The following NR2C1 variants were observed in gnomAD, a reference collection of about 807,000 sequenced individuals.
NR2C1 encodes the protein TR2 nuclear hormone receptor.
A neutral mutation model predicts 74.8 loss-of-function variants in NR2C1; 33 were observed. The ratio of observed to expected loss-of-function variants is 0.44; its 90% CI spans 0.33 to 0.59. The LOEUF (loss-of-function observed/expected upper bound fraction) is 0.59, where lower values mean the gene tolerates loss of function less well. Among genes scored for constraint, NR2C1 ranks in the 20% least tolerant of loss-of-function variants. NR2C1 has a pLI of 0.02. For synonymous variants in NR2C1, 225 were observed against 240.6 expected (o/e 0.94, Z 0.60); for missense variants, 568 against 715.6 (o/e 0.79, Z 2.35).
chr12:95,037,541 G>A (rs1216206769), intron 10 of NR2C1, among the ~76,000 whole-genome samples: 1 of 152,120 alleles, frequency 6.6e-6, no homozygotes, highest in Non-Finnish European at 1.5e-5. Flanking sequence ...GATTAATGTT[G>A]CTTATCTGTT....
chr12:95,027,439 T>C (rs1266491599), intron 12 of NR2C1, among the ~76,000 whole-genome samples: 1 of 152,118 alleles, frequency 6.6e-6, no homozygotes, highest in Non-Finnish European at 1.5e-5. Flanking sequence ...ATTCACCAAT[T>C]TAAAGTATAC....
chr12:95,067,228 AG>A, intron 2 of NR2C1, 102 bp downstream of exon 2: 1 of 885,218 alleles, frequency 1.1e-6, no homozygotes, highest in East Asian at 2.4e-5. Context: ...ATCTTAAGTT[AG>A]GGAATATCTT....
chr12:95,030,539 C>T (rs955880615), intron 11 of NR2C1: 3 of 1,607,782 alleles, frequency 1.9e-6, no homozygotes, highest in Non-Finnish European at 2.5e-6. Flanking sequence ...AGACATGAAC[C>T]AGGGGTAGGA....
chr12:95,041,235 C>T lies in NR2C1; in HGVS notation c.1132-638G>A, dbSNP rs545742881. ...GGGTGTGGTGGCTCGTGCCTATAAT[C>T]CCAGCACTTTGGGAGGTGGAGACAG... On this transcript the variant is annotated intron_variant, in intron 9 of 13. Coordinates refer to ENST00000333003, the MANE Select transcript of NR2C1 (RefSeq NM_003297.4). Among the ~76,000 whole-genome samples, 9 of 152,232 alleles carry T rather than the reference C, an allele frequency of 5.9e-5. No individual in the cohort carries two copies. In the East Asian group the frequency reaches 1.7e-3, roughly 29 times the overall value.
At chr12:95,073,202 G>A (rs976567990) in intron 1 of NR2C1, among the ~76,000 whole-genome samples, 178 bp downstream of exon 1, 2 of 152,212 alleles carry the variant, frequency 1.3e-5, no homozygotes, top group African/African-American at 2.4e-5. Flanking sequence ...GCAGCTCCGC[G>A]CTCCCAGCCG....
chr12:95,045,196 T>C (rs1423608000), intron 9 of NR2C1, among the ~76,000 whole-genome samples: 1 of 152,194 alleles, frequency 6.6e-6, no homozygotes, highest in Non-Finnish European at 1.5e-5. Context: ...TGCTATTGTC[T>C]CAGTGGAAGA....
chr12:95,025,338 T>C (rs944890824), intron 12 of NR2C1, 83 bp from the exon 13 acceptor site: 23 of 698,746 alleles, frequency 3.3e-5, no homozygotes, highest in Non-Finnish European at 5.2e-5. Flanking sequence ...ACAGAAAGAA[T>C]AGTCAAAATA....
intron 10 of NR2C1, among the ~76,000 whole-genome samples, chr12:95,037,626 T>C (rs1485071568): frequency 6.6e-6 from 1 of 152,190 alleles, no homozygotes; most frequent in African/African-American, 2.4e-5. Flanking sequence ...CCGGGCACGG[T>C]GGCTCACGCC....
chr12:95,032,900 T>G (rs1870324702), intron 10 of NR2C1, among the ~76,000 whole-genome samples: 1 of 151,778 alleles, frequency 6.6e-6, no homozygotes, highest in South Asian at 2.1e-4. Flanking sequence ...CTGGGGAAGT[T>G]GAGGCTTCGG....
intron 9 of NR2C1, 106 bp from the exon 10 acceptor site, chr12:95,040,703 A>C: frequency 9.6e-7 from 1 of 1,037,656 alleles, no homozygotes; most frequent in South Asian, 2.5e-5. Context: ...GAGCTAATAT[A>C]TTCACAAAAA....
intron 2 of NR2C1, chr12:95,066,925 C>G (rs1032124342): frequency 4.8e-5 from 8 of 166,764 alleles, no homozygotes; most frequent in Non-Finnish European, 8.9e-5. Context: ...GTATCTCTTA[C>G]TAAGTAATAG....
At chr12:95,064,046 G>T (rs1034425253) in intron 2 of NR2C1, among the ~76,000 whole-genome samples, 1 of 109,184 alleles carries the variant, frequency 9.2e-6, no homozygotes, top group Non-Finnish European at 2.0e-5. Context: ...AAAAAAAAAA[G>T]GGGATGGACA....
intron 1 of NR2C1, among the ~76,000 whole-genome samples, chr12:95,070,516 G>A (rs1415727906): frequency 2.6e-5 from 4 of 152,132 alleles, no homozygotes; most frequent in Non-Finnish European, 5.9e-5. Context: ...TGTATACCAA[G>A]AGCCTTAAAA....
At chr12:95,069,544 G>A (rs1283611177) in intron 1 of NR2C1, among the ~76,000 whole-genome samples, 1 of 152,192 alleles carries the variant, frequency 6.6e-6, no homozygotes, top group Non-Finnish European at 1.5e-5. Flanking sequence ...TATGTGTATG[G>A]TAAGTTATAC....
At chr12:95,039,650 G>A (rs1040082961) in intron 10 of NR2C1, among the ~76,000 whole-genome samples, 4 of 152,138 alleles carry the variant, frequency 2.6e-5, no homozygotes, top group Non-Finnish European at 5.9e-5. Context: ...TTTTTTAAGA[G>A]ACAGGGTCTA....
At chr12:95,040,366 T>C (rs1242407503) in intron 10 of NR2C1, 110 bp downstream of exon 10, 4 of 1,012,920 alleles carry the variant, frequency 3.9e-6, no homozygotes, top group Non-Finnish European at 4.3e-6. Flanking sequence ...AAAGCTATAA[T>C]GTTATACTGT....
At chr12:95,035,371 T>G (rs1870689550) in intron 10 of NR2C1, among the ~76,000 whole-genome samples, 1 of 152,062 alleles carries the variant, frequency 6.6e-6, no homozygotes, top group African/African-American at 2.4e-5. Context: ...TAGAGTAAAC[T>G]CAGTTTCACT....
chr12:95,052,784 C>CG (rs1256951796), intron 7 of NR2C1, among the ~76,000 whole-genome samples: 10 of 151,956 alleles, frequency 6.6e-5, no homozygotes, highest in African/African-American at 1.9e-4. Flanking sequence ...TAGTGAAGAG[C>CG]GGGGGAAAAA....
In NR2C1 at chr12:95,052,433, C is replaced by T. The variant is rs74345467; in HGVS notation, c.784-490G>A. Among the ~76,000 whole-genome samples, 904 of 152,216 alleles carry T rather than the reference C, an allele frequency of 5.9e-3. 42 individuals are homozygous for T. The East Asian group carries it at 0.14, about 24-fold the overall frequency. On this transcript the variant is annotated intron_variant, in intron 7 of 13. Coordinates refer to ENST00000333003, the MANE Select transcript of NR2C1 (RefSeq NM_003297.4). ...CCTCCCAAAGTGTTGGGATTACAGG[C>T]GTGGGCCATCGCGCCCGGCCGTATA...
Sources: allele counts gnomAD v4.1 joint callset (sites outside exome capture counted in the v4.1 genomes callset), GRCh38; gene constraint gnomAD v4.1.1; transcripts MANE v1.5; gene names NCBI Gene and HGNC (gene_info 2026-07-23, HGNC 2026-07-21).